Variants in SYTL3 observed in about 807,000 individuals in gnomAD.
SYTL3 encodes the protein synaptotagmin like 3, also known as synaptotagmin-like protein 3.
A neutral mutation model predicts 82.1 loss-of-function variants in SYTL3; 88 were observed. The observed-to-expected ratio is 1.07, with a 90% CI of 0.90 to 1.28. The LOEUF is 1.28. Ranked by LOEUF, SYTL3 falls within the 50% of genes most tolerant of loss-of-function variation. The probability of loss-of-function intolerance (pLI) is 0.00; values close to 1 mark genes in which losing one functional copy is unlikely to be tolerated. For synonymous variants in SYTL3, 311 were observed against 289.4 expected (o/e 1.07, Z -0.76); for missense variants, 831 against 757.6 (o/e 1.10, Z -1.14).
intron 2 of SYTL3, among the ~76,000 whole-genome samples, chr6:158,659,479 C>T (rs1196378754): frequency 1.3e-5 from 2 of 152,260 alleles, no homozygotes; most frequent in East Asian, 3.9e-4. Flanking sequence ...CCTCAGCCTC[C>T]CGAGTAGCTG....
intron 5 of SYTL3, among the ~76,000 whole-genome samples, chr6:158,669,184 TAAG>T (rs1777085530): frequency 6.6e-6 from 1 of 152,212 alleles, no homozygotes; most frequent in African/African-American, 2.4e-5. Flanking sequence ...ATCAAAAAAA[TAAG>T]ATTAACCTTG....
intron 15 of SYTL3, among the ~76,000 whole-genome samples, chr6:158,761,852 C>G (rs768153924): frequency 5.3e-5 from 8 of 152,200 alleles, no homozygotes; most frequent in Non-Finnish European, 1.0e-4. Context: ...TCTTAGTAAT[C>G]CCTCCATCCT....
At chr6:158,693,850 C>CTTTTTTTTTTTTTTTTTT (rs1357595960) in intron 6 of SYTL3, among the ~76,000 whole-genome samples, 2 of 58,434 alleles carry the variant, frequency 3.4e-5, no homozygotes, top group African/African-American at 1.3e-4. Flanking sequence ...CTTTCTTTTT[C>CTTTTTTTTTTTTTTTTTT]TTTTCTTTTT....
rs1554263756 is a variant in SYTL3 at position 158,746,456 on chromosome 6, A to ATTATTATTATTATTAT, written c.1034+799_1034+800insTATTATTATTATTATT. Among the ~76,000 whole-genome samples the ATTATTATTATTATTAT allele has an allele frequency of 7.2e-3, 999 of 138,586 alleles. 8 individuals are homozygous for ATTATTATTATTATTAT. The highest frequency in any genetic ancestry group is 0.018 in the South Asian group (74 of 4,202). 90.9% of individuals were successfully genotyped at this position (138,586 alleles called of 152,430 possible). ...TAGCACCATTATAATAATAATAATA[A>ATTATTATTATTATTAT]TAATATTATTATTATTATTATTATT... On this transcript the variant is annotated intron_variant, in intron 12 of 17. Transcript: ENST00000611299.
At chr6:158,666,716 G>C (rs1790100282) in intron 5 of SYTL3, among the ~76,000 whole-genome samples, 1 of 152,214 alleles carries the variant, frequency 6.6e-6, no homozygotes, top group Non-Finnish European at 1.5e-5. Flanking sequence ...TGTGGCTGGG[G>C]TTTCTTCCCC....
intron 9 of SYTL3, among the ~76,000 whole-genome samples, chr6:158,714,351 CAAAAAA>C (rs1234600635): frequency 2.1e-5 from 3 of 143,650 alleles, no homozygotes; most frequent in Non-Finnish European, 4.5e-5. Flanking sequence ...GACTCCGTCT[CAAAAAA>C]GAAAAAGAAA....
intron 6 of SYTL3, among the ~76,000 whole-genome samples, chr6:158,693,850 C>A (rs372793034): frequency 1.7e-5 from 1 of 58,438 alleles, no homozygotes; most frequent in Admixed American, 1.6e-4. Context: ...CTTTCTTTTT[C>A]TTTTCTTTTT....
At chr6:158,702,604 G>A (rs559996010) in intron 6 of SYTL3, among the ~76,000 whole-genome samples, 34 of 152,082 alleles carry the variant, frequency 2.2e-4, no homozygotes, top group African/African-American at 7.0e-4. Flanking sequence ...TGGTTTCCAG[G>A]TGGTCGTTTC....
rs567047297 is a variant in SYTL3 at position 158,745,536 on chromosome 6, T to C, written c.912T>C (p.Ala304=). The change falls in exon 12 of 18, where the codon GCT becomes GCC. Residue 304 remains alanine, a synonymous_variant. Transcript: ENST00000611299. ...TCTEMGNFDN[A]NVTGEIEFAI... is the part of the protein sequence containing the mutation. ...CAGAGATGGGCAATTTTGACAATGCTAATGTCACTGGAGAAATAGAATTTG... is the reference window on the plus strand; with the variant it reads ...CAGAGATGGGCAATTTTGACAATGCCAATGTCACTGGAGAAATAGAATTTG... 1.9e-6 allele frequency: 3 copies of C among 1,613,798 alleles called. No homozygotes were observed. The highest frequency in any genetic ancestry group is 2.5e-6 in the Non-Finnish European group (3 of 1,179,894).
At chr6:158,726,798 T>A in intron 11 of SYTL3, 1 of 166,066 alleles carries the variant, frequency 6.0e-6, no homozygotes, top group Non-Finnish European at 1.3e-5. Flanking sequence ...GCCATACTGT[T>A]TGCATAATGA....
At chr6:158,694,232 T>C (rs1780320265) in intron 6 of SYTL3, among the ~76,000 whole-genome samples, 1 of 152,156 alleles carries the variant, frequency 6.6e-6, no homozygotes, top group South Asian at 2.1e-4. Context: ...CCCTTCAAAA[T>C]TTTTTGCTTT....
At chr6:158,675,860 G>A (rs1248793508) in intron 5 of SYTL3, among the ~76,000 whole-genome samples, 1 of 152,162 alleles carries the variant, frequency 6.6e-6, no homozygotes, top group African/African-American at 2.4e-5. Context: ...TGAGGCAGGA[G>A]AATGGCGTGA....
chr6:158,746,453 A>T (rs5016646), intron 12 of SYTL3, among the ~76,000 whole-genome samples: 3,113 of 99,406 alleles, frequency 0.031, 42 homozygotes, highest in Middle Eastern at 0.067. Context: ...AATAATAATA[A>T]TAATAATATT....
rs1787268651 is a variant in SYTL3 at position 158,744,010 on chromosome 6, C to A, written c.856-1470C>A. On this transcript the variant is annotated intron_variant, in intron 11 of 17. Transcript: ENST00000611299. ...CTCAGTTCACTGCAACCTCTGCCTC[C>A]CAGGTTAAAGCAATTCTTATGCCTC... 2.0e-5 allele frequency among the ~76,000 whole-genome samples: 3 copies of A among 152,190 alleles called. No individual in the cohort carries two copies. In the South Asian group the frequency reaches 6.2e-4, roughly 32 times the overall value.
chr6:158,682,250 C>G (rs1478822659), intron 5 of SYTL3, among the ~76,000 whole-genome samples: 1 of 150,502 alleles, frequency 6.6e-6, no homozygotes, highest in Non-Finnish European at 1.5e-5. Flanking sequence ...ATACATTGGT[C>G]ATTTTGATGA....
At chr6:158,753,535 C>T (rs985021491) in intron 13 of SYTL3, among the ~76,000 whole-genome samples, 3 of 151,358 alleles carry the variant, frequency 2.0e-5, no homozygotes, top group Non-Finnish European at 4.4e-5. Flanking sequence ...TCGAGACCAT[C>T]CTGGCTAACA....
chr6:158,688,157 T>A (rs1255048984), intron 6 of SYTL3, among the ~76,000 whole-genome samples: 1 of 152,220 alleles, frequency 6.6e-6, no homozygotes, highest in African/African-American at 2.4e-5. Flanking sequence ...TGCACTATAG[T>A]TTATTTAACC....
rs1778986429 is a variant in SYTL3 at position 158,683,701 on chromosome 6, T to C, written c.394+712T>C. Among the ~76,000 whole-genome samples the C allele has an allele frequency of 2.0e-5, 3 of 152,240 alleles. No individual in the cohort carries two copies. The South Asian group carries it at 6.2e-4, about 31-fold the overall frequency. On this transcript the variant is annotated intron_variant, in intron 6 of 17. Transcript: ENST00000611299. The stretch of plus-strand genomic sequence containing the variant: ...CACTTCTGTTTCTCTCTACAAGCAG[T>C]AACTGTGATTTTAAAATCTTGTTAG...
chr6:158,672,040 C>T (rs1309765463), intron 5 of SYTL3, among the ~76,000 whole-genome samples: 2 of 152,092 alleles, frequency 1.3e-5, no homozygotes, highest in South Asian at 2.1e-4. Flanking sequence ...CCTGTAATCC[C>T]AGCACTTTGG....
Sources: allele counts gnomAD v4.1 joint callset (sites outside exome capture counted in the v4.1 genomes callset), GRCh38; gene constraint gnomAD v4.1.1; transcripts MANE v1.5; gene names NCBI Gene and HGNC (gene_info 2026-07-23, HGNC 2026-07-21).